The following OLFM1 variants were observed in gnomAD, a reference collection of about 807,000 sequenced individuals.
OLFM1 encodes olfactomedin 1.
A neutral mutation model predicts 49.7 loss-of-function variants in OLFM1; 9 were observed. The ratio of observed to expected loss-of-function variants is 0.18; its 90% CI spans 0.11 to 0.32. The LOEUF is 0.32. Ranked by LOEUF, OLFM1 falls within the 10% of genes least tolerant of loss-of-function variation. The probability of loss-of-function intolerance (pLI) is 1.00; values close to 1 mark genes in which losing one functional copy is unlikely to be tolerated. For missense variants in OLFM1, 369 were observed against 661.8 expected, an observed-to-expected ratio of 0.56 and a Z score of 4.85; for synonymous variants, 240 against 271.8, an observed-to-expected ratio of 0.88 and a Z score of 1.15.
upstream of OLFM1, among the ~76,000 whole-genome samples, chr9:135,086,894 C>T (rs1472554554): frequency 3.3e-5 from 5 of 152,186 alleles, no homozygotes; most frequent in African/African-American, 1.2e-4. Flanking sequence ...ACACACCCAC[C>T]TCCCCAACAC....
At chr9:135,075,833 G>T in intron 1 of OLFM1, 1 of 1,578,590 alleles carries the variant, frequency 6.3e-7, no homozygotes. Context: ...TTTCCTCCCT[G>T]CCAGGCGCCC....
rs1002807957 is a variant in OLFM1, at chr9:135,113,381, G to C, written c.784-6123G>C. On this transcript the variant is annotated intron_variant, in intron 5 of 5. Transcript: ENST00000371793. This position sits in a 1 kb window ranked among gnomAD's most constrained non-coding sequence, Gnocchi z 4.0. ...TGAGCTCCAGCAGGCTCTGAGGGCC[G>C]TGTCTAGCCTACCCAGAACCACCAA... 2.0e-5 allele frequency among the ~76,000 whole-genome samples: 3 copies of C among 152,150 alleles called. No individual in the cohort carries two copies. The East Asian group carries it at 5.8e-4, about 29-fold the overall frequency.
intron 1 of OLFM1, chr9:135,076,735 G>A (rs1046588892): frequency 9.6e-5 from 140 of 1,453,136 alleles, no homozygotes; most frequent in Admixed American, 7.2e-4. Flanking sequence ...GGAAGTGATG[G>A]GCAGCCAGTA....
intron 4 of OLFM1, among the ~76,000 whole-genome samples, chr9:135,100,558 G>GCGTCTGCAGGTGGGGCCCTGC (rs1434628821): frequency 6.6e-6 from 1 of 152,236 alleles, no homozygotes; most frequent in Non-Finnish European, 1.5e-5. Flanking sequence ...CTGAATCAGA[G>GCGTCTGCAGGTGGGGCCCTGC]CGTCTGCAGG....
chr9:135,118,674 C>CTCTTTGGAGTGCTCACTGGG (rs1831135384), intron 5 of OLFM1, among the ~76,000 whole-genome samples: 1 of 107,818 alleles, frequency 9.3e-6, no homozygotes, highest in Admixed American at 9.6e-5. Context: ...TACTCACTGG[C>CTCTTTGGAGTGCTCACTGGG]TCTTTGGAGT....
At chr9:135,099,424 A>G (rs562820011) in intron 4 of OLFM1, among the ~76,000 whole-genome samples, 1 of 151,942 alleles carries the variant, frequency 6.6e-6, no homozygotes, top group South Asian at 2.1e-4. Flanking sequence ...TCTCCCTTCC[A>G]CACACACACA....
In OLFM1 at chr9:135,091,115, C is replaced by A. The variant is rs77232696; in HGVS notation, c.300+771C>A. On this transcript the variant is annotated intron_variant, in intron 2 of 5. Coordinates refer to ENST00000371793, the MANE Select transcript of OLFM1 (RefSeq NM_001282611.2). ...ACAGCTGTTAGTAGGGAAGTGGGCA[C>A]TCGGACCCACATGGCCGAGCTCATC... Among the ~76,000 whole-genome samples, 104 of 152,320 alleles carry A rather than the reference C, an allele frequency of 6.8e-4. 1 individual carries two copies. In the East Asian group the frequency reaches 0.018, roughly 26 times the overall value.
intron 5 of OLFM1, among the ~76,000 whole-genome samples, chr9:135,114,981 C>G (rs559372807): frequency 6.6e-6 from 1 of 152,172 alleles, no homozygotes; most frequent in Non-Finnish European, 1.5e-5. Context: ...CACCCCTGCT[C>G]TATGGCAGGA....
intron 5 of OLFM1, among the ~76,000 whole-genome samples, chr9:135,112,918 G>A (rs1471813776): frequency 6.6e-6 from 1 of 152,214 alleles, no homozygotes; most frequent in Non-Finnish European, 1.5e-5. Context: ...AGCCAGGGAT[G>A]AGCAGGTGCG....
intron 4 of OLFM1, among the ~76,000 whole-genome samples, chr9:135,104,572 G>T (rs578196929): frequency 2.0e-5 from 3 of 152,082 alleles, no homozygotes; most frequent in African/African-American, 7.2e-5. Context: ...ACTCCTCTAG[G>T]CTTCTCCTTC....
At chr9:135,102,327 C>CTAGACAG (rs1830881344) in intron 4 of OLFM1, among the ~76,000 whole-genome samples, 1 of 152,192 alleles carries the variant, frequency 6.6e-6, no homozygotes. Context: ...CTGAGTGGAG[C>CTAGACAG]TAGACAGTGA....
chr9:135,086,487 G>GC (rs886937806), upstream of OLFM1: 6 of 385,848 alleles, frequency 1.6e-5, no homozygotes, highest in Admixed American at 1.8e-4. Flanking sequence ...GCTCCTTCCG[G>GC]CCCGGCGTCC....
intron 5 of OLFM1, among the ~76,000 whole-genome samples, chr9:135,109,576 A>C (rs1168913170): frequency 6.6e-6 from 1 of 152,134 alleles, no homozygotes; most frequent in African/African-American, 2.4e-5. Flanking sequence ...CGCTCAGCAC[A>C]GCCTCCAACT....
At position 135,098,016 on chromosome 9, in the gene OLFM1, G is replaced by T; in HGVS notation, c.457-270G>T. 1 of 1,399,626 alleles carries T rather than the reference G, an allele frequency of 7.1e-7. No individual in the cohort carries two copies. The allele number at this position is 1,399,626 out of a possible 1,614,324, so 86.7% of individuals were successfully genotyped here. A position where few individuals can be genotyped will look rare whatever the true frequency, so the allele number is the denominator to read the frequency against. ...CCTTGTCAATGCATTTTTTGAAAAAGAAAGAAAAAAAAAACTTCGTGTATG... is the reference window on the plus strand; with the variant it reads ...CCTTGTCAATGCATTTTTTGAAAAATAAAGAAAAAAAAAACTTCGTGTATG... On this transcript the variant is annotated intron_variant, in intron 3 of 5. Coordinates refer to ENST00000371793, the MANE Select transcript of OLFM1 (RefSeq NM_001282611.2). This position sits in a 1 kb window ranked among gnomAD's most constrained non-coding sequence, Gnocchi z 5.6.
rs980715262 is a variant in OLFM1, at chr9:135,098,603, G to C, written c.676+98G>C. 89 of 1,105,142 alleles carry C rather than the reference G, an allele frequency of 8.1e-5. No individual in the cohort carries two copies. Among genetic ancestry groups the C allele is most frequent in the Non-Finnish European group, 3.1e-5 (23 of 753,174 alleles). 68.5% of individuals were successfully genotyped at this position (1,105,142 alleles called of 1,614,324 possible). A position where few individuals can be genotyped will look rare whatever the true frequency, so the allele number is the denominator to read the frequency against. On this transcript the variant is annotated intron_variant, in intron 4 of 5. Transcript: ENST00000371793. This position sits in a 1 kb window ranked among gnomAD's most constrained non-coding sequence, Gnocchi z 5.6. ...TGCTGAAGTGGACAGCGCCCGCCTG[G>C]CTTCGCGAGGTGATGGCTGGATTAG...
rs1427462476 is a variant in OLFM1 at position 135,119,602 on chromosome 9, C to A, written c.882C>A (p.Leu294=). ...MNTDNFTSHR[L]PHPWSGTGQV... ...CGGACAATTTCACCTCCCACCGTCTCCCCCACCCCTGGTCGGGCACGGGGC... is the reference window on the plus strand; with the variant it reads ...CGGACAATTTCACCTCCCACCGTCTACCCCACCCCTGGTCGGGCACGGGGC... The change falls in exon 6 of 6, where the codon CTC becomes CTA. Residue 294 remains leucine, a synonymous_variant. Transcript: ENST00000371793. 2 of 1,614,128 alleles carry A rather than the reference C, an allele frequency of 1.2e-6. No individual in the cohort carries two copies. Among genetic ancestry groups the A allele is most frequent in the Non-Finnish European group, 1.7e-6 (2 of 1,180,008 alleles).
chr9:135,087,737 A>G lies in OLFM1; in HGVS notation c.-253A>G, dbSNP rs1752666. On this transcript the variant is annotated 5_prime_UTR_variant, in exon 1 of 6. Coordinates refer to ENST00000371793, the MANE Select transcript of OLFM1 (RefSeq NM_001282611.2). ...GACGCAGCCGGGCAAGGCAGGGCGCAGGGCGGGCGGCGCGAGGCGCAGGGC... is the reference window on the plus strand; with the variant it reads ...GACGCAGCCGGGCAAGGCAGGGCGCGGGGCGGGCGGCGCGAGGCGCAGGGC... 0.42 allele frequency: 165,804 copies of G among 394,934 alleles called. 37,503 individuals are homozygous for G. Among genetic ancestry groups the G allele is most frequent in the African/African-American group, 0.71 (32,270 of 45,458 alleles). The allele number at this position is 394,934 out of a possible 1,614,324, so 24.5% of individuals were successfully genotyped here.
rs557820013 is a variant in OLFM1, at chr9:135,106,846, C to G, written c.774C>G (p.Gly258=). Residue 258 remains glycine (G), a synonymous_variant, in exon 5 of 6, where the codon GGC becomes GGG. Coordinates refer to ENST00000371793, the MANE Select transcript of OLFM1 (RefSeq NM_001282611.2). The part of the protein sequence containing the change: ...SWMTDPLAPE[G]DNRVWYMDGY... ...TGACAGACCCTCTCGCCCCTGAAGGCGATAACCGGGTGAGTGTCCCCTTAT... is the reference window on the plus strand; with the variant it reads ...TGACAGACCCTCTCGCCCCTGAAGGGGATAACCGGGTGAGTGTCCCCTTAT... The G allele has an allele frequency of 6.2e-7, 1 of 1,609,080 alleles. No homozygotes were observed. Among genetic ancestry groups the G allele is most frequent in the Admixed American group, 1.7e-5 (1 of 59,668 alleles).
At chr9:135,084,729 C>T (rs1201829879), upstream of OLFM1, among the ~76,000 whole-genome samples, 1 of 152,106 alleles carries the variant, frequency 6.6e-6, no homozygotes, top group Non-Finnish European at 1.5e-5. This position sits in a 1 kb window ranked among gnomAD's most constrained non-coding sequence, Gnocchi z 4.6. Context: ...AAACTTTGTC[C>T]CTTGAGGGCA....
Sources: allele counts gnomAD v4.1 joint callset (sites outside exome capture counted in the v4.1 genomes callset), GRCh38; gene constraint gnomAD v4.1.1; non-coding constraint Gnocchi (gnomAD v3.1); transcripts MANE v1.5; gene names NCBI Gene and HGNC (gene_info 2026-07-23, HGNC 2026-07-21).